Variants in WNK2 observed in about 807,000 individuals in gnomAD.
The protein encoded by WNK2 is WNK lysine deficient protein kinase 2, also known as serine/threonine-protein kinase WNK2.
A neutral mutation model predicts 192.1 loss-of-function variants in WNK2; 67 were observed. That is an observed-to-expected ratio of 0.35 (90% CI 0.29 to 0.43). WNK2 has a LOEUF of 0.43. WNK2 is among the 20% of genes least tolerant of loss of function. The pLI is 1.00. For synonymous variants in WNK2, 1,439 were observed against 1,393.9 expected (o/e 1.03, Z -0.72); for missense variants, 2,698 against 3,089.7 (o/e 0.87, Z 3.01).
rs1588048371 is a variant in WNK2, at chr9:93,229,545, A to C, written c.682-151A>C. The C allele has an allele frequency of 4.9e-6, 4 of 819,298 alleles. No individual in the cohort carries two copies. Among genetic ancestry groups the C allele is most frequent in the Non-Finnish European group, 7.5e-6 (4 of 533,624 alleles). The allele number at this position is 819,298 out of a possible 1,614,324, so 50.8% of individuals were successfully genotyped here. A position where few individuals can be genotyped will look rare whatever the true frequency, so the allele number is the denominator to read the frequency against. ...CTAAGGAGTCAGCAGTTGTGGTGCCAGTGTCTGCATGCCCTTCTATCATAG... is the reference window on the plus strand; with the variant it reads ...CTAAGGAGTCAGCAGTTGTGGTGCCCGTGTCTGCATGCCCTTCTATCATAG... On this transcript the variant is annotated intron_variant, in intron 2 of 29. Transcript: ENST00000427277. The surrounding 1 kb of genome is among the most constrained non-coding windows in gnomAD (Gnocchi z 4.9).
At chr9:93,263,769 G>T in intron 15 of WNK2, 35 bp downstream of exon 15, 1 of 889,544 alleles carries the variant, frequency 1.1e-6, no homozygotes, top group Non-Finnish European at 1.6e-6. Flanking sequence ...GTGTGGTGGG[G>T]GTGGGGGCAT....
intron 19 of WNK2, among the ~76,000 whole-genome samples, chr9:93,287,669 C>T (rs1038383205): frequency 5.9e-5 from 9 of 152,036 alleles, no homozygotes; most frequent in East Asian, 3.9e-4. Context: ...TCTGGGGGCA[C>T]GAGGGAGGGC....
rs1242563362 is a variant in WNK2, at chr9:93,234,907, C to T, written c.1175C>T (p.Ser392Leu). 1.2e-6 allele frequency: 2 copies of T among 1,614,170 alleles called. No homozygotes were observed. Among genetic ancestry groups the T allele is most frequent in the Non-Finnish European group, 1.7e-6 (2 of 1,180,014 alleles). Reference protein sequence around the residue: ...FGMCMLEMATSEYPYSECQNA... With the variant: ...FGMCMLEMATLEYPYSECQNA... ...ATGTGCATGCTGGAGATGGCCACCTCGGAGTACCCCTACTCGGAGTGCCAG... is the reference window on the plus strand; with the variant it reads ...ATGTGCATGCTGGAGATGGCCACCTTGGAGTACCCCTACTCGGAGTGCCAG... Residue 392 changes from serine to leucine, a missense_variant, in exon 5 of 30, where the codon TCG becomes TTG. Ser to Leu is a moderately radical substitution (Grantham distance 145). Coordinates refer to ENST00000427277, the MANE Select transcript of WNK2 (RefSeq NM_006648.4).
intron 16 of WNK2, among the ~76,000 whole-genome samples, chr9:93,264,800 T>C (rs1185174641): frequency 6.6e-6 from 1 of 152,372 alleles, no homozygotes; most frequent in East Asian, 1.9e-4. Context: ...GTTGTAGCGC[T>C]CACTCCAGAT....
At chr9:93,279,056 A>G (rs1173020749) in intron 19 of WNK2, among the ~76,000 whole-genome samples, 1 of 152,172 alleles carries the variant, frequency 6.6e-6, no homozygotes, top group Non-Finnish European at 1.5e-5. Flanking sequence ...GCATCCCCCA[A>G]AGATTGGGAA....
In WNK2 at chr9:93,288,858, G is replaced by C. The variant is rs1848864291; in HGVS notation, c.4104G>C (p.Leu1368=). 4.3e-6 allele frequency: 7 copies of C among 1,612,178 alleles called. No individual in the cohort carries two copies. The highest frequency in any genetic ancestry group is 5.9e-6 in the Non-Finnish European group (7 of 1,179,618). The stretch of plus-strand genomic sequence containing the variant: ...GCTTTCTAGCCAGTCAGCAGCTCCT[G>C]AGCCAGGCGGGCCCCAGCAACCCTC... ...QPSFLASQQL[L]SQAGPSNPPG... Residue 1368 remains leucine (L), a synonymous_variant, in exon 20 of 30, where the codon CTG becomes CTC. Transcript: ENST00000427277.
chr9:93,283,665 A>G (rs1848050356), intron 19 of WNK2, among the ~76,000 whole-genome samples: 1 of 152,184 alleles, frequency 6.6e-6, no homozygotes, highest in South Asian at 2.1e-4. Context: ...TGCTGGAACA[A>G]CTCAGTGTGT....
At chr9:93,244,048 C>T (rs978866958) in intron 7 of WNK2, among the ~76,000 whole-genome samples, 3 of 152,228 alleles carry the variant, frequency 2.0e-5, no homozygotes, top group African/African-American at 7.2e-5. Context: ...GAGCTGTATC[C>T]TGCTGCATGA....
intron 2 of WNK2, among the ~76,000 whole-genome samples, chr9:93,190,085 T>C (rs1830055740): frequency 6.6e-6 from 1 of 152,236 alleles, no homozygotes; most frequent in Non-Finnish European, 1.5e-5. Flanking sequence ...ATGCCAGCAC[T>C]GAATTTGCTT....
chr9:93,210,065 G>T (rs1834218109), intron 2 of WNK2, among the ~76,000 whole-genome samples: 1 of 152,134 alleles, frequency 6.6e-6, no homozygotes. Flanking sequence ...GTGGGGTTGG[G>T]CAGCAGTCCC....
Position 93,299,102 on chromosome 9 carries a change from G to T in WNK2, c.5956G>T (p.Ala1986Ser). 6.2e-7 allele frequency: 1 copy of T among 1,611,216 alleles called. No homozygotes were observed. The highest frequency in any genetic ancestry group is 1.3e-5 in the African/African-American group (1 of 75,012). The change falls in exon 25 of 30, where the codon GCT (alanine) becomes TCT (serine). Residue 1986 changes from alanine (A) to serine (S), a missense_variant. This residue lies in a region of WNK2 where 1,098 missense variants were observed against 1,101.0 expected (regional missense o/e 1.00). Transcript: ENST00000427277. The part of the protein sequence containing the change: ...HLADSSRGPP[A>S]KDPAQASVGL... ...GGCTGACTCCAGCAGAGGCCCTCCC[G>T]CTAAGGACCCTGCCCAAGCCAGTGT... is the stretch of plus-strand genomic sequence containing the variant.
At chr9:93,298,527 C>T (rs1851019983) in intron 24 of WNK2, among the ~76,000 whole-genome samples, 1 of 152,166 alleles carries the variant, frequency 6.6e-6, no homozygotes. Flanking sequence ...CATTGAGTGG[C>T]ACTGGCCTGG....
chr9:93,248,680 T>C (rs903894189), intron 8 of WNK2, among the ~76,000 whole-genome samples: 3 of 152,220 alleles, frequency 2.0e-5, no homozygotes, highest in African/African-American at 7.2e-5. Context: ...TACTGATGAA[T>C]TGGCAGGAAT....
chr9:93,214,706 C>G (rs569309371), intron 2 of WNK2, among the ~76,000 whole-genome samples: 11 of 87,806 alleles, frequency 1.3e-4, no homozygotes, highest in East Asian at 4.7e-4. Context: ...TGCCCCCCCC[C>G]CCCCCGCCCT....
At chr9:93,271,508 A>C (rs1001751299) in intron 19 of WNK2, among the ~76,000 whole-genome samples, 1 of 152,248 alleles carries the variant, frequency 6.6e-6, no homozygotes, top group Non-Finnish European at 1.5e-5. Context: ...AGCAATGACA[A>C]ACATTCTTGA....
chr9:93,271,203 A>G (rs542387941), intron 19 of WNK2, among the ~76,000 whole-genome samples: 2 of 152,368 alleles, frequency 1.3e-5, no homozygotes, highest in Admixed American at 1.3e-4. Flanking sequence ...TGGAACTGAC[A>G]TGTAACCACA....
At chr9:93,273,214 G>A (rs769774193) in intron 19 of WNK2, among the ~76,000 whole-genome samples, 23 of 152,222 alleles carry the variant, frequency 1.5e-4, no homozygotes, top group Non-Finnish European at 2.9e-4. Flanking sequence ...CTGGAGTGCA[G>A]TGGCACGATC....
intron 9 of WNK2, among the ~76,000 whole-genome samples, chr9:93,255,134 G>A (rs928054970): frequency 6.6e-6 from 1 of 152,224 alleles, no homozygotes; most frequent in Non-Finnish European, 1.5e-5. Flanking sequence ...TAGTGACACA[G>A]AGACAACTTA....
At chr9:93,198,091 ATGT>A (rs1206625863) in intron 2 of WNK2, among the ~76,000 whole-genome samples, 2 of 152,104 alleles carry the variant, frequency 1.3e-5, no homozygotes, top group African/African-American at 4.8e-5. Flanking sequence ...AAAATACAAG[ATGT>A]TGTCCTGTAC....
Sources: gnomAD v4.1 joint callset for allele counts (sites outside exome capture counted in the v4.1 genomes callset) on GRCh38, gnomAD v4.1.1 for gene constraint, gnomAD v4.1.1 regional missense constraint, Gnocchi (gnomAD v3.1) non-coding constraint, MANE v1.5 for transcripts, NCBI Gene and HGNC (gene_info 2026-07-23, HGNC 2026-07-21) for gene names.